CAMK4: variants seen among roughly 807,000 people sequenced by gnomAD.
CAMK4 encodes calcium/calmodulin-dependent protein kinase type IV.
Under a neutral mutation model 44.9 loss-of-function variants are expected in CAMK4, and 22 were observed. That is an observed-to-expected ratio of 0.49 (90% CI 0.35 to 0.70). The LOEUF is 0.70. Ranked by LOEUF, CAMK4 falls within the 30% of genes least tolerant of loss-of-function variation. The pLI, the probability that CAMK4 is intolerant of heterozygous loss-of-function variation, is 0.01. For synonymous variants in CAMK4, 218 were observed against 215.4 expected (o/e 1.01, Z -0.11); for missense variants, 498 against 586.8 (o/e 0.85, Z 1.56).
At chr5:111,483,750 A>T (rs1323739636) in intron 10 of CAMK4, among the ~76,000 whole-genome samples, 2 of 152,190 alleles carry the variant, frequency 1.3e-5, no homozygotes, top group Non-Finnish European at 2.9e-5. Context: ...ACAGATTAAA[A>T]TTTTCAAAAA....
intron 5 of CAMK4, among the ~76,000 whole-genome samples, chr5:111,420,446 A>G (rs971460610): frequency 9.9e-5 from 15 of 152,074 alleles, no homozygotes; most frequent in African/African-American, 3.1e-4. Flanking sequence ...TCTCCTGCCT[A>G]ATTGCCCTGG....
intron 1 of CAMK4, among the ~76,000 whole-genome samples, chr5:111,242,695 G>A (rs952571690): frequency 5.3e-5 from 8 of 152,168 alleles, no homozygotes; most frequent in African/African-American, 1.9e-4. Flanking sequence ...TGCGCTTGCC[G>A]TCTTACGCCC....
At chr5:111,288,001 A>G (rs1751307260) in intron 1 of CAMK4, among the ~76,000 whole-genome samples, 1 of 152,122 alleles carries the variant, frequency 6.6e-6, no homozygotes, top group African/African-American at 2.4e-5. Flanking sequence ...TTTTACCACA[A>G]AGTGTGCCGT....
intron 4 of CAMK4, among the ~76,000 whole-genome samples, chr5:111,377,383 T>C (rs1029208189): frequency 6.6e-6 from 1 of 152,082 alleles, no homozygotes; most frequent in African/African-American, 2.4e-5. Flanking sequence ...ATTTTTAAGC[T>C]TATTTTCTTT....
chr5:111,374,516 A>G (rs912795605), intron 2 of CAMK4, among the ~76,000 whole-genome samples: 34 of 152,120 alleles, frequency 2.2e-4, no homozygotes, highest in Non-Finnish European at 3.5e-4. Context: ...ACAGACTTCC[A>G]TATAAGAAAG....
chr5:111,375,023 G>C (rs757360477), intron 3 of CAMK4, 111 bp downstream of exon 3: 88 of 714,028 alleles, frequency 1.2e-4, no homozygotes, highest in Non-Finnish European at 1.9e-4. Context: ...ACCACTGATA[G>C]CTACTATGTG....
intron 2 of CAMK4, among the ~76,000 whole-genome samples, chr5:111,366,380 G>C (rs1750795321): frequency 6.6e-6 from 1 of 152,110 alleles, no homozygotes. Context: ...GGTCACCCCA[G>C]TTTTCCAAGA....
chr5:111,426,109 C>G (rs1753217623), intron 5 of CAMK4, among the ~76,000 whole-genome samples: 2 of 151,666 alleles, frequency 1.3e-5, no homozygotes, highest in African/African-American at 4.8e-5. Context: ...AAAAAAAAAT[C>G]TAAGTAGGTT....
At chr5:111,259,800 A>C (rs1008791023) in intron 1 of CAMK4, among the ~76,000 whole-genome samples, 1 of 152,184 alleles carries the variant, frequency 6.6e-6, no homozygotes, top group Non-Finnish European at 1.5e-5. Context: ...TTTAAGAGTG[A>C]ATTCCTGTAG....
At chr5:111,288,010 G>A (rs555282978) in intron 1 of CAMK4, among the ~76,000 whole-genome samples, 7 of 152,060 alleles carry the variant, frequency 4.6e-5, no homozygotes, top group African/African-American at 7.2e-5. Context: ...AAAGTGTGCC[G>A]TTCTAAATAA....
chr5:111,276,440 A>G (rs1247461573), intron 1 of CAMK4, among the ~76,000 whole-genome samples: 2 of 152,020 alleles, frequency 1.3e-5, no homozygotes, highest in Non-Finnish European at 2.9e-5. Flanking sequence ...CATTTAAATA[A>G]TTTTTGCTGG....
chr5:111,380,841 C>G (rs751004282), intron 4 of CAMK4, among the ~76,000 whole-genome samples: 1 of 152,092 alleles, frequency 6.6e-6, no homozygotes, highest in Non-Finnish European at 1.5e-5. Flanking sequence ...TTAAGGTTAA[C>G]AAACAGATCA....
At chr5:111,361,257 C>T (rs1479444369) in intron 2 of CAMK4, among the ~76,000 whole-genome samples, 1 of 151,748 alleles carries the variant, frequency 6.6e-6, no homozygotes, top group Non-Finnish European at 1.5e-5. Context: ...AAATCATAAG[C>T]TTTTTTGGCT....
intron 1 of CAMK4, among the ~76,000 whole-genome samples, chr5:111,315,293 C>T (rs1342006079): frequency 1.3e-4 from 20 of 152,050 alleles, no homozygotes; most frequent in Admixed American, 9.2e-4. Flanking sequence ...GAATAGTGAG[C>T]TATTTTAATT....
At chr5:111,291,394 C>G (rs537622888) in intron 1 of CAMK4, among the ~76,000 whole-genome samples, 1 of 152,240 alleles carries the variant, frequency 6.6e-6, no homozygotes, top group African/African-American at 2.4e-5. Flanking sequence ...TATCTATAGA[C>G]ACACTTCATT....
intron 1 of CAMK4, among the ~76,000 whole-genome samples, chr5:111,316,845 T>A (rs1323443015): frequency 6.6e-6 from 1 of 152,118 alleles, no homozygotes; most frequent in African/African-American, 2.4e-5. Flanking sequence ...TCCTAGCTAT[T>A]TAAATGTTCT....
chr5:111,424,434 CTTTTTTTTTTTTTTTTT>C (rs34618322), intron 5 of CAMK4, among the ~76,000 whole-genome samples: 1 of 64,896 alleles, frequency 1.5e-5, no homozygotes, highest in South Asian at 7.2e-4. Flanking sequence ...ATCTTCTATT[CTTTTTTTTTTTTTTTTT>C]TTTTTTTTTT....
At chr5:111,294,152 T>C (rs1390174953) in intron 1 of CAMK4, among the ~76,000 whole-genome samples, 1 of 152,224 alleles carries the variant, frequency 6.6e-6, no homozygotes, top group Non-Finnish European at 1.5e-5. Flanking sequence ...TATATTCAAA[T>C]GAATACATAT....
At chr5:111,431,270 C>A (rs1239674092) in intron 5 of CAMK4, among the ~76,000 whole-genome samples, 1 of 152,126 alleles carries the variant, frequency 6.6e-6, no homozygotes, top group Non-Finnish European at 1.5e-5. Context: ...AAAAGACAGT[C>A]TCTTCAATAA....
Sources: allele counts gnomAD v4.1 joint callset (sites outside exome capture counted in the v4.1 genomes callset), GRCh38; gene constraint gnomAD v4.1.1; transcripts MANE v1.5; gene names NCBI Gene and HGNC (gene_info 2026-07-23, HGNC 2026-07-21).